Variants in GRIN2A observed in about 807,000 individuals in gnomAD.
The protein encoded by GRIN2A is glutamate receptor ionotropic, NMDA 2A.
In GRIN2A, 22 loss-of-function variants were observed where a neutral mutation model predicts 113.4. The observed-to-expected ratio is 0.19, with a 90% confidence interval of 0.14 to 0.28. The LOEUF (loss-of-function observed/expected upper bound fraction) is 0.28. Among genes scored for constraint, GRIN2A ranks in the 10% least tolerant of loss-of-function variants. The pLI is 1.00. For missense variants in GRIN2A, 1,502 were observed against 1,887.0 expected, an observed-to-expected ratio of 0.80 and a Z score of 3.78; for synonymous variants, 827 against 738.4, an observed-to-expected ratio of 1.12 and a Z score of -1.94.
At chr16:10,047,895 C>T (rs575977914) in intron 2 of GRIN2A, among the ~76,000 whole-genome samples, 2 of 152,270 alleles carry the variant, frequency 1.3e-5, no homozygotes, top group Non-Finnish European at 1.5e-5. Context: ...AGTTCACCAC[C>T]TTGGTATCTG....
chr16:9,883,248 T>C (rs2043519870), intron 4 of GRIN2A, among the ~76,000 whole-genome samples: 1 of 152,172 alleles, frequency 6.6e-6, no homozygotes, highest in South Asian at 2.1e-4. Flanking sequence ...TCTTAATAAA[T>C]GGCAGCTGAA....
intron 2 of GRIN2A, among the ~76,000 whole-genome samples, chr16:10,059,213 T>C (rs2047507980): frequency 6.6e-6 from 1 of 152,186 alleles, no homozygotes; most frequent in Non-Finnish European, 1.5e-5. Flanking sequence ...TAGGTTTTAG[T>C]TGTGCCTTAA....
At position 10,132,485 on chromosome 16, in the gene GRIN2A, C is replaced by T. The variant is rs1011726895; in HGVS notation, c.414+47513G>A. Among the ~76,000 whole-genome samples the T allele has an allele frequency of 5.3e-5, 8 of 152,174 alleles. No homozygotes were observed. In the South Asian group the frequency reaches 6.2e-4, roughly 12 times the overall value. ...TACCACTTACCACTAGGTCATCCTA[C>T]GTCAAATGTAAAGCCACACATTGAG... On this transcript the variant is annotated intron_variant, in intron 2 of 12. Coordinates refer to ENST00000330684, the MANE Select transcript of GRIN2A (RefSeq NM_001134407.3).
At chr16:9,948,356 G>A (rs2045074284) in intron 2 of GRIN2A, among the ~76,000 whole-genome samples, 1 of 152,170 alleles carries the variant, frequency 6.6e-6, no homozygotes, top group East Asian at 1.9e-4. Flanking sequence ...AGCGGGTGGG[G>A]GCTGGGGCAT....
intron 2 of GRIN2A, among the ~76,000 whole-genome samples, chr16:10,104,970 G>A (rs905180420): frequency 6.6e-6 from 1 of 152,176 alleles, no homozygotes; most frequent in Non-Finnish European, 1.5e-5. Flanking sequence ...CGAGAGTGCA[G>A]CAGAGGCATA....
At chr16:9,802,704 C>G (rs540569235) in intron 10 of GRIN2A, among the ~76,000 whole-genome samples, 262 of 152,266 alleles carry the variant, frequency 1.7e-3, no homozygotes, top group African/African-American at 6.0e-3. Context: ...TTATAAAACC[C>G]TCTAGGACAA....
chr16:10,012,764 G>A (rs1811189793), intron 2 of GRIN2A, among the ~76,000 whole-genome samples: 1 of 152,180 alleles, frequency 6.6e-6, no homozygotes, highest in African/African-American at 2.4e-5. Flanking sequence ...AATCAGGCAA[G>A]GAAAAAGCAG....
chr16:9,873,613 G>C (rs908437039), intron 4 of GRIN2A, among the ~76,000 whole-genome samples: 8 of 152,180 alleles, frequency 5.3e-5, no homozygotes, highest in Non-Finnish European at 8.8e-5. Flanking sequence ...CCTGGTCTTA[G>C]AGAAAACAAA....
At chr16:10,025,126 A>G (rs929041385) in intron 2 of GRIN2A, among the ~76,000 whole-genome samples, 2 of 151,934 alleles carry the variant, frequency 1.3e-5, no homozygotes, top group African/African-American at 4.8e-5. Context: ...ATGAGTAAAG[A>G]AGAAAATTGA....
intron 9 of GRIN2A, among the ~76,000 whole-genome samples, chr16:9,824,953 T>C (rs1416020713): frequency 6.6e-6 from 1 of 152,078 alleles, no homozygotes; most frequent in East Asian, 1.9e-4. Context: ...GAATGATTCC[T>C]AGCAAGACTT....
At chr16:9,804,164 C>G (rs2041920289) in intron 10 of GRIN2A, among the ~76,000 whole-genome samples, 1 of 152,254 alleles carries the variant, frequency 6.6e-6, no homozygotes, top group South Asian at 2.1e-4. Flanking sequence ...AGAAAAAAGG[C>G]CACCTGAAAC....
At chr16:9,972,506 T>G (rs1385155036) in intron 2 of GRIN2A, among the ~76,000 whole-genome samples, 2 of 152,016 alleles carry the variant, frequency 1.3e-5, no homozygotes, top group Non-Finnish European at 2.9e-5. Context: ...AACAATACAC[T>G]TAATGAGGTA....
At chr16:9,875,401 AGG>A (rs2043344692) in intron 4 of GRIN2A, among the ~76,000 whole-genome samples, 1 of 152,106 alleles carries the variant, frequency 6.6e-6, no homozygotes, top group African/African-American at 2.4e-5. Flanking sequence ...CAAGAAAAAC[AGG>A]GTAGTGGAAT....
At chr16:10,087,706 G>A (rs72774177) in intron 2 of GRIN2A, among the ~76,000 whole-genome samples, 12,528 of 152,096 alleles carry the variant, frequency 0.082, 695 homozygotes, top group Non-Finnish European at 0.13. Flanking sequence ...GGGCAGGGTT[G>A]GGGAACAGGG....
intron 12 of GRIN2A, among the ~76,000 whole-genome samples, chr16:9,767,080 G>T (rs1158638824): frequency 6.6e-6 from 1 of 152,204 alleles, no homozygotes; most frequent in African/African-American, 2.4e-5. Flanking sequence ...AGAATCATTT[G>T]GATATGAAAA....
At chr16:9,979,265 C>A (rs531486870) in intron 2 of GRIN2A, among the ~76,000 whole-genome samples, 1 of 152,158 alleles carries the variant, frequency 6.6e-6, no homozygotes, top group South Asian at 2.1e-4. Context: ...ATCTAAGGAA[C>A]AAGGAAGACA....
intron 2 of GRIN2A, among the ~76,000 whole-genome samples, chr16:10,168,218 T>C (rs959793287): frequency 3.9e-5 from 6 of 152,188 alleles, no homozygotes; most frequent in African/African-American, 1.4e-4. Context: ...TATGTGTGTG[T>C]GAGTTGATAT....
intron 3 of GRIN2A, among the ~76,000 whole-genome samples, chr16:9,908,652 G>C (rs2044073664): frequency 6.6e-6 from 1 of 152,186 alleles, no homozygotes; most frequent in Non-Finnish European, 1.5e-5. Flanking sequence ...GAAAAGGGCT[G>C]TTTTCTTACA....
chr16:10,174,255 A>G (rs559933073), intron 2 of GRIN2A, among the ~76,000 whole-genome samples: 25 of 152,306 alleles, frequency 1.6e-4, no homozygotes, highest in African/African-American at 5.8e-4. Context: ...TATCTGTGTC[A>G]AGGAGCCAAA....
Sources: allele counts gnomAD v4.1 joint callset (sites outside exome capture counted in the v4.1 genomes callset), GRCh38; gene constraint gnomAD v4.1.1; transcripts MANE v1.5; gene names NCBI Gene and HGNC (gene_info 2026-07-23, HGNC 2026-07-21).